HECW2: variants seen among roughly 807,000 people sequenced by gnomAD.
The protein encoded by HECW2 is E3 ubiquitin-protein ligase HECW2.
Under a neutral mutation model 175.2 loss-of-function variants are expected in HECW2, and 61 were observed. The ratio of observed to expected loss-of-function variants is 0.35; its 90% CI spans 0.28 to 0.43. HECW2 has a LOEUF of 0.43. Ranked by LOEUF, HECW2 falls within the 20% of genes least tolerant of loss-of-function variation. The probability of loss-of-function intolerance (pLI) is 1.00; values close to 1 mark genes in which losing one functional copy is unlikely to be tolerated. For missense variants in HECW2, 1,524 were observed against 2,000.5 expected (o/e 0.76, Z 4.54); for synonymous variants, 671 against 731.0 (o/e 0.92, Z 1.32).
intron 1 of HECW2, among the ~76,000 whole-genome samples, chr2:196,540,881 CCA>C (rs1689189110): frequency 6.6e-6 from 1 of 152,148 alleles, no homozygotes; most frequent in Non-Finnish European, 1.5e-5. Flanking sequence ...GCTGTTCCTC[CCA>C]TTTACTGATG....
chr2:196,410,746 T>C (rs973749575), intron 2 of HECW2, among the ~76,000 whole-genome samples: 1 of 152,186 alleles, frequency 6.6e-6, no homozygotes, highest in Non-Finnish European at 1.5e-5. Flanking sequence ...GACACTGAAC[T>C]TCAGTTCTCC....
intron 2 of HECW2, among the ~76,000 whole-genome samples, chr2:196,404,389 G>A (rs180945781): frequency 2.0e-5 from 3 of 152,266 alleles, no homozygotes; most frequent in Admixed American, 2.0e-4. Flanking sequence ...CCTTCTAGGA[G>A]AAGAAAATGA....
At chr2:196,452,079 C>G (rs1454956843) in intron 1 of HECW2, among the ~76,000 whole-genome samples, 3 of 152,156 alleles carry the variant, frequency 2.0e-5, no homozygotes, top group Non-Finnish European at 4.4e-5. Flanking sequence ...CAGGAACAAG[C>G]ATACATAGCT....
At position 196,197,095 on chromosome 2, in the gene HECW2, A is replaced by C. The variant is rs1686718424; in HGVS notation, c.*4182T>G. ...GACTGTCTCAAACAAACAAACAAAGAAAGCAAAAGGCCCTGAAACTGAGAC... is the reference window on the plus strand; with the variant it reads ...GACTGTCTCAAACAAACAAACAAAGCAAGCAAAAGGCCCTGAAACTGAGAC... On this transcript the variant is annotated 3_prime_UTR_variant, in exon 29 of 29. Transcript: ENST00000644978. 1 of 152,118 alleles carries C rather than the reference A, an allele frequency of 6.6e-6. No homozygotes were observed. Among genetic ancestry groups the C allele is most frequent in the Non-Finnish European group, 1.5e-5 (1 of 68,034 alleles). The allele number at this position is 152,118 out of a possible 1,614,324, so 9.4% of individuals were successfully genotyped here.
chr2:196,361,328 C>T (rs1431660755), intron 2 of HECW2, among the ~76,000 whole-genome samples: 2 of 152,140 alleles, frequency 1.3e-5, no homozygotes, highest in Non-Finnish European at 2.9e-5. Context: ...ATATGGATGT[C>T]TATGAATACT....
At chr2:196,447,364 T>C (rs1696216843) in intron 1 of HECW2, among the ~76,000 whole-genome samples, 1 of 152,154 alleles carries the variant, frequency 6.6e-6, no homozygotes. Context: ...TCCCATACAA[T>C]GAGAGAGTCA....
Position 196,195,867 on chromosome 2 carries a change from T to C in HECW2, c.*5410A>G, listed in dbSNP as rs905227089. The C allele has an allele frequency of 2.6e-5, 4 of 152,212 alleles. No homozygotes were observed. The highest frequency in any genetic ancestry group is 4.4e-5 in the Non-Finnish European group (3 of 68,036). 9.4% of individuals were successfully genotyped at this position (152,212 alleles called of 1,614,324 possible). A position where few individuals can be genotyped will look rare whatever the true frequency, so the allele number is the denominator to read the frequency against. ...AATACTTTGGGACTAAATTCCACTT[T>C]GCAATACAGAAAATGTTAAATTACT... On this transcript the variant is annotated 3_prime_UTR_variant, in exon 29 of 29. Coordinates refer to ENST00000644978, the MANE Select transcript of HECW2 (RefSeq NM_001348768.2).
intron 2 of HECW2, chr2:196,361,924 A>C: frequency 1.0e-6 from 1 of 985,428 alleles, no homozygotes; most frequent in South Asian, 4.7e-5. Context: ...CCCACGTGGC[A>C]GTTTCATTCA....
chr2:196,429,275 A>C (rs550305611), intron 2 of HECW2, among the ~76,000 whole-genome samples: 13 of 152,294 alleles, frequency 8.5e-5, no homozygotes, highest in African/African-American at 2.9e-4. Flanking sequence ...TTAAGGACTT[A>C]CTGCTCACAA....
chr2:196,542,133 G>A (rs534851246), intron 1 of HECW2, among the ~76,000 whole-genome samples: 8 of 151,838 alleles, frequency 5.3e-5, no homozygotes, highest in South Asian at 2.1e-4. Context: ...ACGTGGTGGC[G>A]CACACCTGTA....
intron 2 of HECW2, among the ~76,000 whole-genome samples, chr2:196,346,227 C>T (rs1486772284): frequency 6.6e-6 from 1 of 152,146 alleles, no homozygotes; most frequent in Non-Finnish European, 1.5e-5. Flanking sequence ...ACTTTTTCTC[C>T]CCAGGCAATC....
At chr2:196,413,712 A>T (rs1000443431) in intron 2 of HECW2, among the ~76,000 whole-genome samples, 5 of 152,200 alleles carry the variant, frequency 3.3e-5, no homozygotes, top group African/African-American at 1.2e-4. Context: ...TAAAAGCACT[A>T]TAAAAATATT....
At chr2:196,233,911 C>T (rs1688146409) in intron 21 of HECW2, among the ~76,000 whole-genome samples, 1 of 152,160 alleles carries the variant, frequency 6.6e-6, no homozygotes, top group African/African-American at 2.4e-5. Flanking sequence ...CTGAAGAAAA[C>T]TCCTTCAGAT....
chr2:196,281,040 G>A (rs1047277057), intron 14 of HECW2, among the ~76,000 whole-genome samples: 12 of 152,062 alleles, frequency 7.9e-5, no homozygotes, highest in Non-Finnish European at 1.0e-4. Context: ...GGTCATTAAC[G>A]GTACAATGAT....
chr2:196,244,643 A>G (rs913448311), intron 19 of HECW2, among the ~76,000 whole-genome samples: 2 of 152,234 alleles, frequency 1.3e-5, no homozygotes, highest in Non-Finnish European at 2.9e-5. Flanking sequence ...ATAAGTAGAG[A>G]TCAAAGTGGA....
rs1437253551 is a variant in HECW2 at position 196,367,937 on chromosome 2, TATATATGAGATACATATATATGATAC to T, written c.293-24199_293-24174del. 3.9e-3 allele frequency among the ~76,000 whole-genome samples: 597 copies of T among 151,834 alleles called. 4 individuals are homozygous for T. Among genetic ancestry groups the T allele is most frequent in the Non-Finnish European group, 5.6e-3 (381 of 67,924 alleles). ...TATATATGAGATACATAGATACATA[TATATATGAGATACATATATATGATAC>T]ATATATGAGATACATATATATGATA... On this transcript the variant is annotated intron_variant, in intron 2 of 28. Coordinates refer to ENST00000644978, the MANE Select transcript of HECW2 (RefSeq NM_001348768.2).
intron 19 of HECW2, among the ~76,000 whole-genome samples, chr2:196,249,466 G>GC (rs11421373): frequency 0.92 from 140,541 of 152,192 alleles, 65,906 homozygotes; most frequent in East Asian, 1. Flanking sequence ...ATGAGGAAAA[G>GC]GGGGAAAGTT....
chr2:196,300,174 T>TA (rs35277996), intron 13 of HECW2, among the ~76,000 whole-genome samples: 139,729 of 152,234 alleles, frequency 0.92, 64,485 homozygotes, highest in East Asian at 0.98. Flanking sequence ...CTGTCTAGAC[T>TA]GGGGTGGGCA....
chr2:196,351,062 G>A (rs1693153044), intron 2 of HECW2, among the ~76,000 whole-genome samples: 3 of 152,074 alleles, frequency 2.0e-5, no homozygotes, highest in South Asian at 4.1e-4. Flanking sequence ...TGAATTCAGA[G>A]GTCAATGTTA....
Sources: allele counts gnomAD v4.1 joint callset (sites outside exome capture counted in the v4.1 genomes callset), GRCh38; gene constraint gnomAD v4.1.1; transcripts MANE v1.5; gene names NCBI Gene and HGNC (gene_info 2026-07-23, HGNC 2026-07-21).